Variants in PTPRD observed in about 807,000 individuals in gnomAD.
PTPRD encodes the protein protein tyrosine phosphatase receptor type D.
In PTPRD, 34 loss-of-function variants were observed where a neutral mutation model predicts 214.5. The observed-to-expected ratio is 0.16, with a 90% confidence interval of 0.12 to 0.21. The LOEUF (loss-of-function observed/expected upper bound fraction) is 0.21, where lower values mean the gene tolerates loss of function less well. PTPRD is among the 10% of genes least tolerant of loss of function. The pLI is 1.00. For missense variants in PTPRD, 2,545 were observed against 2,398.7 expected (o/e 1.06, Z -1.27); for synonymous variants, 1,128 against 845.7 (o/e 1.33, Z -5.79).
At chr9:8,426,294 C>T (rs10977086) in intron 35 of PTPRD, among the ~76,000 whole-genome samples, 11,018 of 152,176 alleles carry the variant, frequency 0.072, 610 homozygotes, top group African/African-American at 0.16. Flanking sequence ...GATCAAGCAG[C>T]GTAGCTACTA....
intron 3 of PTPRD, among the ~76,000 whole-genome samples, chr9:10,068,470 T>G (rs16930977): frequency 0.043 from 6,467 of 152,018 alleles, 199 homozygotes; most frequent in Admixed American, 0.1. Flanking sequence ...CTGCTACACA[T>G]TCCATGCCCT....
chr9:8,589,822 T>C (rs979835825), intron 14 of PTPRD, among the ~76,000 whole-genome samples: 40 of 152,318 alleles, frequency 2.6e-4, no homozygotes, highest in South Asian at 2.1e-4. Context: ...CCTGTTATAA[T>C]GTTTTGTAGA....
intron 11 of PTPRD, among the ~76,000 whole-genome samples, chr9:8,845,850 G>C (rs1339392421): frequency 1.3e-5 from 2 of 152,168 alleles, no homozygotes; most frequent in African/African-American, 4.8e-5. Flanking sequence ...AATTTTATTA[G>C]ATACCATTAG....
At chr9:10,000,445 C>A (rs2096278954) in intron 4 of PTPRD, among the ~76,000 whole-genome samples, 1 of 152,082 alleles carries the variant, frequency 6.6e-6, no homozygotes, top group South Asian at 2.1e-4. Flanking sequence ...TTCCAAGTAC[C>A]CTTAAATCCA....
intron 9 of PTPRD, among the ~76,000 whole-genome samples, chr9:9,338,972 T>A (rs2045687983): frequency 6.6e-6 from 1 of 152,278 alleles, no homozygotes; most frequent in Non-Finnish European, 1.5e-5. Flanking sequence ...AATCGCAAGA[T>A]TCCTGCTACT....
intron 14 of PTPRD, among the ~76,000 whole-genome samples, chr9:8,560,661 C>T (rs2085861531): frequency 6.6e-6 from 1 of 152,134 alleles, no homozygotes; most frequent in African/African-American, 2.4e-5. Context: ...TAGTTATCTT[C>T]CCACACCCAA....
chr9:9,970,319 A>G (rs7857112), intron 4 of PTPRD, among the ~76,000 whole-genome samples: 74,001 of 150,822 alleles, frequency 0.49, 18,534 homozygotes, highest in Middle Eastern at 0.56. Context: ...GCGTGGTGGC[A>G]GGCACCTGTA....
At chr9:10,557,724 T>C (rs755194510) in intron 2 of PTPRD, among the ~76,000 whole-genome samples, 1 of 152,126 alleles carries the variant, frequency 6.6e-6, no homozygotes, top group Non-Finnish European at 1.5e-5. Flanking sequence ...GGAATTACCT[T>C]AGAAAAACGT....
intron 11 of PTPRD, among the ~76,000 whole-genome samples, chr9:8,880,355 G>T (rs7846894): frequency 1.3e-5 from 2 of 151,874 alleles, no homozygotes; most frequent in Non-Finnish European, 2.9e-5. Context: ...TAGGTCTGGC[G>T]CATCCTCCCT....
chr9:10,499,160 C>T (rs557033011), intron 2 of PTPRD, among the ~76,000 whole-genome samples: 1 of 151,994 alleles, frequency 6.6e-6, no homozygotes, highest in African/African-American at 2.4e-5. Flanking sequence ...AGTATTTAAG[C>T]TGAACTGTCT....
intron 9 of PTPRD, among the ~76,000 whole-genome samples, chr9:9,233,050 T>C (rs1214640273): frequency 6.6e-6 from 1 of 152,212 alleles, no homozygotes; most frequent in East Asian, 1.9e-4. Flanking sequence ...CCCTACTCAG[T>C]CCCTGGGAAT....
intron 12 of PTPRD, among the ~76,000 whole-genome samples, chr9:8,719,693 A>T (rs1043652795): frequency 6.7e-6 from 1 of 149,884 alleles, no homozygotes; most frequent in African/African-American, 2.5e-5. Flanking sequence ...TAGCTGTGAT[A>T]GAGACCCACA....
intron 3 of PTPRD, among the ~76,000 whole-genome samples, chr9:10,268,971 G>GT (rs2094262086): frequency 6.6e-6 from 1 of 151,896 alleles, no homozygotes. Flanking sequence ...TCGAATGTCA[G>GT]TAGCGCCCTC....
chr9:10,143,887 C>G (rs1183275077), intron 3 of PTPRD, among the ~76,000 whole-genome samples: 1 of 151,896 alleles, frequency 6.6e-6, no homozygotes. Context: ...GAAAGAGACA[C>G]TGGGGGATGC....
intron 11 of PTPRD, among the ~76,000 whole-genome samples, chr9:8,755,098 G>T (rs369824292): frequency 1.3e-5 from 2 of 151,920 alleles, no homozygotes; most frequent in Non-Finnish European, 2.9e-5. Flanking sequence ...CTCATATACT[G>T]CTGGTTAGAG....
chr9:9,661,933 T>G (rs1307234198), intron 7 of PTPRD, among the ~76,000 whole-genome samples: 1 of 151,754 alleles, frequency 6.6e-6, no homozygotes, highest in Non-Finnish European at 1.5e-5. Context: ...TTTAATCATC[T>G]GAACTCTGAA....
intron 10 of PTPRD, among the ~76,000 whole-genome samples, chr9:9,160,046 T>C (rs1335958589): frequency 6.6e-6 from 1 of 152,092 alleles, no homozygotes; most frequent in African/African-American, 2.4e-5. Flanking sequence ...ATTATAAAAA[T>C]TAACTCAAAA....
In PTPRD at chr9:8,526,723, G is replaced by T. The variant is rs1286595583; in HGVS notation, c.551-79C>A. 7.6e-6 allele frequency: 9 copies of T among 1,182,450 alleles called. No individual in the cohort carries two copies. In the Admixed American group the frequency reaches 2.2e-4, roughly 28 times the overall value. 73.2% of individuals were successfully genotyped at this position (1,182,450 alleles called of 1,614,324 possible). A position where few individuals can be genotyped will look rare whatever the true frequency, so the allele number is the denominator to read the frequency against. On this transcript the variant is annotated intron_variant, in intron 16 of 45. Transcript: ENST00000381196. ...AGAAGAAGGAGGCTAGGGCTGGGGA[G>T]AAGAATTAAATTAGATTTACAGAAT...
chr9:8,797,679 G>T (rs893364935), intron 11 of PTPRD, among the ~76,000 whole-genome samples: 7 of 152,100 alleles, frequency 4.6e-5, no homozygotes, highest in Non-Finnish European at 1.0e-4. Flanking sequence ...TCCTGTCACT[G>T]ATCTCACCAG....
Sources: gnomAD v4.1 joint callset for allele counts (sites outside exome capture counted in the v4.1 genomes callset) on GRCh38, gnomAD v4.1.1 for gene constraint, MANE v1.5 for transcripts, NCBI Gene and HGNC (gene_info 2026-07-23, HGNC 2026-07-21) for gene names.